The following KCNMB2 variants were observed in gnomAD, a reference collection of about 807,000 sequenced individuals.
KCNMB2 encodes potassium calcium-activated channel subfamily M regulatory beta subunit 2.
Under a neutral mutation model 24.5 loss-of-function variants are expected in KCNMB2, and 9 were observed. The observed-to-expected ratio is 0.37, with a 90% CI of 0.22 to 0.64. KCNMB2 has a LOEUF of 0.64. KCNMB2 is among the 30% of genes least tolerant of loss of function. The pLI, the probability that KCNMB2 is intolerant of heterozygous loss-of-function variation, is 0.63. For missense variants in KCNMB2, 226 were observed against 284.3 expected, an observed-to-expected ratio of 0.79 and a Z score of 1.47; for synonymous variants, 109 against 104.4, an observed-to-expected ratio of 1.04 and a Z score of -0.27.
At chr3:178,568,824 AGATAGATG>A (rs1560112290) in intron 1 of KCNMB2, among the ~76,000 whole-genome samples, 6 of 85,494 alleles carry the variant, frequency 7.0e-5, no homozygotes, top group East Asian at 3.0e-4. Context: ...GATAATAGAT[AGATAGATG>A]ATAGATAGAT....
rs139319982 is a variant in KCNMB2, at chr3:178,621,362, C to T, written c.-68+84651C>T. 3.9e-3 allele frequency among the ~76,000 whole-genome samples: 579 copies of T among 147,120 alleles called. 3 individuals are homozygous for T. The highest frequency in any genetic ancestry group is 6.7e-3 in the Non-Finnish European group (442 of 65,946). On this transcript the variant is annotated intron_variant, in intron 1 of 4. Coordinates refer to ENST00000452583, the MANE Select transcript of KCNMB2 (RefSeq NM_181361.3). ...GTTGCCCAACTAGGGATTCCTCCAC[C>T]CTTCTCTCTCTGACATCTTTGTTCA... is the stretch of plus-strand genomic sequence containing the variant.
intron 3 of KCNMB2, among the ~76,000 whole-genome samples, chr3:178,826,533 G>A (rs1011841998): frequency 5.3e-5 from 8 of 152,202 alleles, no homozygotes; most frequent in Non-Finnish European, 1.0e-4. Context: ...AAGCCATGTA[G>A]TAAATCCCAC....
intron 1 of KCNMB2, among the ~76,000 whole-genome samples, chr3:178,548,377 A>G (rs555435449): frequency 4.8e-4 from 73 of 152,300 alleles, no homozygotes; most frequent in Non-Finnish European, 9.0e-4. Context: ...CATCACAGCC[A>G]TTGGCTCTCA....
chr3:178,600,558 TA>T (rs1009652748), intron 1 of KCNMB2, among the ~76,000 whole-genome samples: 9 of 152,174 alleles, frequency 5.9e-5, no homozygotes, highest in African/African-American at 2.2e-4. Flanking sequence ...ATCTATTTTA[TA>T]AAACAGAATT....
At chr3:178,700,120 T>C (rs1234383006) in intron 1 of KCNMB2, among the ~76,000 whole-genome samples, 1 of 152,216 alleles carries the variant, frequency 6.6e-6, no homozygotes, top group Non-Finnish European at 1.5e-5. Flanking sequence ...GACTCAAGCC[T>C]ACAGAAGACA....
rs549023654 is a variant in KCNMB2, at chr3:178,811,161, A to C, written c.56+3696A>C. ...ACAGACTGTTTATCAAATATTCTTTAAATTGTTTTTTTAAATATTGAAGTG... is the reference window on the plus strand; with the variant it reads ...ACAGACTGTTTATCAAATATTCTTTCAATTGTTTTTTTAAATATTGAAGTG... On this transcript the variant is annotated intron_variant, in intron 2 of 4. Coordinates refer to ENST00000452583, the MANE Select transcript of KCNMB2 (RefSeq NM_181361.3). 1.2e-4 allele frequency among the ~76,000 whole-genome samples: 18 copies of C among 152,302 alleles called. No individual in the cohort carries two copies. The South Asian group carries it at 3.7e-3, about 32-fold the overall frequency.
chr3:178,685,554 G>A (rs1390016613), intron 1 of KCNMB2, among the ~76,000 whole-genome samples: 9 of 152,202 alleles, frequency 5.9e-5, no homozygotes, highest in Non-Finnish European at 8.8e-5. Flanking sequence ...CACATCAACA[G>A]TGGTTCTGTT....
intron 1 of KCNMB2, among the ~76,000 whole-genome samples, chr3:178,733,775 A>G (rs1049776674): frequency 2.0e-5 from 3 of 152,120 alleles, no homozygotes; most frequent in Non-Finnish European, 1.5e-5. Context: ...CACCGCACCC[A>G]GCCCTTAAAT....
chr3:178,840,317 C>T (rs923678509), intron 4 of KCNMB2, among the ~76,000 whole-genome samples: 3 of 152,184 alleles, frequency 2.0e-5, no homozygotes, highest in Admixed American at 1.3e-4. Context: ...GTTGCTTTCC[C>T]GGGCTGGCTC....
At chr3:178,714,865 A>T (rs912851464) in intron 1 of KCNMB2, among the ~76,000 whole-genome samples, 1 of 152,218 alleles carries the variant, frequency 6.6e-6, no homozygotes, top group Non-Finnish European at 1.5e-5. Context: ...CGGCTGCACC[A>T]GTCTCCTGTC....
chr3:178,843,486 T>C lies in KCNMB2; in HGVS notation c.*549T>C. 5.7e-6 allele frequency: 1 copy of C among 174,400 alleles called. No homozygotes were observed. The highest frequency in any genetic ancestry group is 6.0e-5 in the Admixed American group (1 of 16,572). 10.8% of individuals were successfully genotyped at this position (174,400 alleles called of 1,614,324 possible). A position where few individuals can be genotyped will look rare whatever the true frequency, so the allele number is the denominator to read the frequency against. ...AGAGGGGAAACCCAGCCAGCTACTTTTTTTCATCACTTTTTATTCATAACT... is the reference window on the plus strand; with the variant it reads ...AGAGGGGAAACCCAGCCAGCTACTTCTTTTCATCACTTTTTATTCATAACT... On this transcript the variant is annotated 3_prime_UTR_variant, in exon 5 of 5. Transcript: ENST00000452583.
chr3:178,597,931 G>A (rs112197772), intron 1 of KCNMB2, among the ~76,000 whole-genome samples: 10 of 151,872 alleles, frequency 6.6e-5, no homozygotes, highest in Non-Finnish European at 1.5e-4. Flanking sequence ...AAATTGGGGT[G>A]GGAGGAAGAA....
intron 1 of KCNMB2, among the ~76,000 whole-genome samples, chr3:178,668,607 G>A (rs12497475): frequency 0.075 from 11,474 of 152,142 alleles, 576 homozygotes; most frequent in Middle Eastern, 0.22. Flanking sequence ...TCTTCCCTAC[G>A]AGGTCCTAAA....
chr3:178,667,708 CA>C (rs141066004), intron 1 of KCNMB2, among the ~76,000 whole-genome samples: 12,675 of 152,120 alleles, frequency 0.083, 560 homozygotes, highest in Middle Eastern at 0.13. Flanking sequence ...CTGGAATGTT[CA>C]AAACAATTAA....
chr3:178,708,084 C>T (rs1722336537), intron 1 of KCNMB2, among the ~76,000 whole-genome samples: 1 of 152,098 alleles, frequency 6.6e-6, no homozygotes, highest in Admixed American at 6.6e-5. Context: ...TGTTAACATG[C>T]CAAAGTTTAT....
At chr3:178,567,099 A>G (rs868332465) in intron 1 of KCNMB2, among the ~76,000 whole-genome samples, 2 of 152,216 alleles carry the variant, frequency 1.3e-5, no homozygotes, top group Admixed American at 6.5e-5. Flanking sequence ...TATACTTTGC[A>G]TATCACCATT....
intron 1 of KCNMB2, among the ~76,000 whole-genome samples, chr3:178,585,633 A>T (rs944376818): frequency 6.6e-6 from 1 of 152,180 alleles, no homozygotes; most frequent in Non-Finnish European, 1.5e-5. Context: ...CACTGTGTTC[A>T]GGGTTCAGTC....
intron 1 of KCNMB2, among the ~76,000 whole-genome samples, chr3:178,679,963 G>C (rs1172631299): frequency 2.0e-5 from 3 of 151,910 alleles, no homozygotes; most frequent in Non-Finnish European, 2.9e-5. Context: ...ATACATTTCA[G>C]AGCTTTTCCC....
At chr3:178,722,475 G>A (rs1236692334) in intron 1 of KCNMB2, among the ~76,000 whole-genome samples, 1 of 152,182 alleles carries the variant, frequency 6.6e-6, no homozygotes, top group East Asian at 1.9e-4. Context: ...GGATAAGAAA[G>A]CACAAGAGAG....
Sources: allele counts gnomAD v4.1 joint callset (sites outside exome capture counted in the v4.1 genomes callset), GRCh38; gene constraint gnomAD v4.1.1; transcripts MANE v1.5; gene names NCBI Gene and HGNC (gene_info 2026-07-23, HGNC 2026-07-21).